The following CDIN1 variants were observed in gnomAD, a reference collection of about 807,000 sequenced individuals.
CDIN1 encodes the protein CDAN1-interacting nuclease 1.
In CDIN1, 33 loss-of-function variants were observed where a neutral mutation model predicts 45.3. The observed-to-expected ratio is 0.73, with a 90% CI of 0.55 to 0.97. CDIN1 has a LOEUF of 0.97. CDIN1 is among the 50% of genes least tolerant of loss of function. The pLI is 0.00. For missense variants in CDIN1, 303 were observed against 339.4 expected (o/e 0.89, Z 0.84); for synonymous variants, 118 against 124.4 (o/e 0.95, Z 0.34).
intron 5 of CDIN1, among the ~76,000 whole-genome samples, chr15:36,674,550 A>C (rs1337364759): frequency 6.6e-6 from 1 of 152,162 alleles, no homozygotes; most frequent in Non-Finnish European, 1.5e-5. Context: ...TTTATTACAC[A>C]CAACTATTTT....
intron 5 of CDIN1, among the ~76,000 whole-genome samples, chr15:36,661,527 G>A (rs1335107488): frequency 2.6e-5 from 4 of 152,132 alleles, no homozygotes; most frequent in Non-Finnish European, 5.9e-5. Flanking sequence ...TGCATTGAGA[G>A]TATAATTGGA....
chr15:36,687,683 TA>T (rs2042109764), intron 5 of CDIN1, among the ~76,000 whole-genome samples: 2 of 152,024 alleles, frequency 1.3e-5, no homozygotes, highest in Admixed American at 1.3e-4. Context: ...ACAGTAGTAG[TA>T]GATGATTATT....
At chr15:36,756,172 TGAA>T in intron 10 of CDIN1, 1 of 455,724 alleles carries the variant, frequency 2.2e-6, no homozygotes, top group Admixed American at 2.4e-5. Context: ...AATCCTTAGT[TGAA>T]GAGAACTGTA....
chr15:36,681,914 G>T (rs1013352938), intron 5 of CDIN1, among the ~76,000 whole-genome samples: 10 of 152,170 alleles, frequency 6.6e-5, no homozygotes, highest in African/African-American at 2.4e-4. Flanking sequence ...CAGTAACAAG[G>T]ATATTGAATC....
chr15:36,641,881 G>A (rs1475196365), intron 1 of CDIN1: 1 of 152,220 alleles, frequency 6.6e-6, no homozygotes, highest in African/African-American at 2.4e-5. Flanking sequence ...ATGTTGGACT[G>A]TGATGTTTAA....
chr15:36,767,873 T>A (rs1400850375), intron 10 of CDIN1, among the ~76,000 whole-genome samples: 1 of 152,206 alleles, frequency 6.6e-6, no homozygotes, highest in African/African-American at 2.4e-5. Flanking sequence ...TAATTTGCCT[T>A]CCATCAAGGA....
intron 3 of CDIN1, among the ~76,000 whole-genome samples, chr15:36,648,086 G>A (rs929722669): frequency 2.3e-4 from 35 of 152,078 alleles, no homozygotes; most frequent in Admixed American, 1.2e-3. Context: ...TGATCCGGCC[G>A]CCTCGGCCTC....
chr15:36,701,090 GTAGGTAGGTAGATAGATAGATAGA>G (rs1365877501), intron 8 of CDIN1, among the ~76,000 whole-genome samples: 66 of 147,344 alleles, frequency 4.5e-4, no homozygotes, highest in African/African-American at 1.5e-3. Flanking sequence ...AGGTAGGTAG[GTAGGTAGGTAGATAGATAGATAGA>G]TAGGTAGGTA....
intron 8 of CDIN1, among the ~76,000 whole-genome samples, chr15:36,697,927 C>G (rs753882643): frequency 6.6e-6 from 1 of 152,108 alleles, no homozygotes; most frequent in Non-Finnish European, 1.5e-5. Flanking sequence ...CTTTCAACAT[C>G]TCTTAAGCAT....
intron 10 of CDIN1, among the ~76,000 whole-genome samples, chr15:36,790,808 G>A (rs888430984): frequency 2.0e-5 from 3 of 152,152 alleles, no homozygotes; most frequent in African/African-American, 4.8e-5. Flanking sequence ...ACTTTTCTCT[G>A]AGTGTGCCAG....
At chr15:36,584,098 G>C (rs1480744663) in intron 1 of CDIN1, among the ~76,000 whole-genome samples, 1 of 152,164 alleles carries the variant, frequency 6.6e-6, no homozygotes, top group African/African-American at 2.4e-5. Context: ...AAACAAGTAA[G>C]ATAATTATTT....
chr15:36,648,154 A>G (rs180985330), intron 3 of CDIN1, among the ~76,000 whole-genome samples: 13 of 152,274 alleles, frequency 8.5e-5, no homozygotes, highest in Admixed American at 5.2e-4. Context: ...AGTATTAAAA[A>G]GGAATGAATG....
chr15:36,794,699 T>A (rs1595608003), intron 10 of CDIN1, among the ~76,000 whole-genome samples: 1 of 152,204 alleles, frequency 6.6e-6, no homozygotes, highest in South Asian at 2.1e-4. Context: ...CATTCATACA[T>A]CTATCAGTGG....
intron 1 of CDIN1, among the ~76,000 whole-genome samples, chr15:36,601,546 C>T (rs148162979): frequency 6.6e-6 from 1 of 152,290 alleles, no homozygotes; most frequent in Admixed American, 6.5e-5. Flanking sequence ...TGAGCAGCCA[C>T]AGGGCATTGT....
intron 10 of CDIN1, among the ~76,000 whole-genome samples, chr15:36,798,093 G>A (rs1283253385): frequency 1.3e-5 from 2 of 150,704 alleles, no homozygotes; most frequent in East Asian, 3.9e-4. Flanking sequence ...TTCTTCTAGG[G>A]CAAGGGACTG....
At chr15:36,705,201 A>C (rs1171633989) in intron 8 of CDIN1, 2 of 152,186 alleles carry the variant, frequency 1.3e-5, no homozygotes, top group Non-Finnish European at 2.9e-5. Context: ...AATTAACATC[A>C]TCTTTGGATG....
intron 1 of CDIN1, chr15:36,617,553 G>T (rs567446349): frequency 1.2e-6 from 1 of 804,834 alleles, no homozygotes; most frequent in East Asian, 2.4e-5. Flanking sequence ...TCCCAATTTG[G>T]ACAGTTGTTA....
At chr15:36,623,313 T>A (rs539959048) in intron 1 of CDIN1, among the ~76,000 whole-genome samples, 19 of 152,232 alleles carry the variant, frequency 1.2e-4, no homozygotes, top group Non-Finnish European at 2.4e-4. Context: ...TTAAACAATT[T>A]TGCCTTCTCT....
chr15:36,750,704 G>A lies in CDIN1; in HGVS notation c.716+40743G>A, dbSNP rs553823221. Among the ~76,000 whole-genome samples, 4 of 152,270 alleles carry A rather than the reference G, an allele frequency of 2.6e-5. No homozygotes were observed. The East Asian group carries it at 7.7e-4, about 29-fold the overall frequency. ...GTAAGGGCAGTTTTAAGAATTAGCTGTTTGGCCAATTGAAAAATATCTTCC... is the reference window on the plus strand; with the variant it reads ...GTAAGGGCAGTTTTAAGAATTAGCTATTTGGCCAATTGAAAAATATCTTCC... On this transcript the variant is annotated intron_variant, in intron 10 of 10. Coordinates refer to ENST00000566621, the MANE Select transcript of CDIN1 (RefSeq NM_001321759.2).
Sources: gnomAD v4.1 joint callset for allele counts (sites outside exome capture counted in the v4.1 genomes callset) on GRCh38, gnomAD v4.1.1 for gene constraint, MANE v1.5 for transcripts, NCBI Gene and HGNC (gene_info 2026-07-23, HGNC 2026-07-21) for gene names.